AOAH: variants seen among roughly 807,000 people sequenced by gnomAD.
AOAH encodes the protein acyloxyacyl hydrolase (neutrophil).
Under a neutral mutation model 92.2 loss-of-function variants are expected in AOAH, and 64 were observed. The observed-to-expected ratio is 0.69, with a 90% confidence interval of 0.57 to 0.86. The LOEUF is 0.86. AOAH is among the 40% of genes least tolerant of loss of function. The pLI is 0.00. For missense variants in AOAH, 656 were observed against 694.6 expected, an observed-to-expected ratio of 0.94 and a Z score of 0.62; for synonymous variants, 263 against 254.5, an observed-to-expected ratio of 1.03 and a Z score of -0.32.
intron 13 of AOAH, 96 bp from the exon 14 acceptor site, chr7:36,549,571 A>G (rs1786042240): frequency 2.4e-6 from 2 of 848,554 alleles, no homozygotes; most frequent in Middle Eastern, 2.2e-4. Flanking sequence ...TGAAAGCGGC[A>G]TTACTGTTCG....
intron 18 of AOAH, among the ~76,000 whole-genome samples, chr7:36,531,095 T>C (rs117875944): frequency 6.6e-6 from 1 of 152,316 alleles, no homozygotes; most frequent in East Asian, 1.9e-4. Flanking sequence ...TACAACATTA[T>C]GGTGTGGAGA....
chr7:36,653,316 C>G (rs1794692934), intron 4 of AOAH, among the ~76,000 whole-genome samples: 1 of 152,116 alleles, frequency 6.6e-6, no homozygotes, highest in African/African-American at 2.4e-5. Context: ...CCACCTGAGA[C>G]AGTCTACTAA....
Position 36,594,468 on chromosome 7 carries a change from C to A in AOAH, c.847-38G>T, listed in dbSNP as rs779446514. On this transcript the variant is annotated intron_variant, in intron 11 of 20. Transcript: ENST00000617537. Reference sequence around the variant, plus strand: ...ATAAAGTAGCAATTATCAAAATGGTCATTTATTTTCTAAAGGTAGTAAGAA... The same window carrying A: ...ATAAAGTAGCAATTATCAAAATGGTAATTTATTTTCTAAAGGTAGTAAGAA... 4.6e-6 allele frequency: 7 copies of A among 1,533,950 alleles called. No individual in the cohort carries two copies. In the East Asian group the frequency reaches 1.3e-4, roughly 30 times the overall value.
At chr7:36,566,933 T>A (rs1359869704) in intron 13 of AOAH, among the ~76,000 whole-genome samples, 1 of 152,070 alleles carries the variant, frequency 6.6e-6, no homozygotes, top group Non-Finnish European at 1.5e-5. Context: ...GCTAAGTCTC[T>A]GAATAGCTGG....
At chr7:36,599,746 GC>G (rs1404514761) in intron 11 of AOAH, 2 of 152,210 alleles carry the variant, frequency 1.3e-5, no homozygotes, top group African/African-American at 4.8e-5. Flanking sequence ...TACCTGCTTA[GC>G]GTTGGAACCA....
intron 4 of AOAH, among the ~76,000 whole-genome samples, chr7:36,638,491 C>T (rs62445874): frequency 0.065 from 9,803 of 151,922 alleles, 350 homozygotes; most frequent in African/African-American, 0.094. Flanking sequence ...TCCAAGGGTA[C>T]ACACATTGCG....
intron 12 of AOAH, among the ~76,000 whole-genome samples, chr7:36,590,326 A>T (rs1185953541): frequency 6.6e-6 from 1 of 151,620 alleles, no homozygotes; most frequent in African/African-American, 2.4e-5. Context: ...TCTGCTTTTG[A>T]CCTACTCAAT....
chr7:36,713,487 A>G (rs1290112449), intron 1 of AOAH, among the ~76,000 whole-genome samples: 1 of 152,228 alleles, frequency 6.6e-6, no homozygotes, highest in Non-Finnish European at 1.5e-5. Context: ...CCTAATTGAC[A>G]TCTACAGAAC....
intron 3 of AOAH, 66 bp downstream of exon 3, chr7:36,673,877 C>G: frequency 8.7e-7 from 1 of 1,145,558 alleles, no homozygotes; most frequent in Non-Finnish European, 1.3e-6. Context: ...CCTCCCACCT[C>G]CCAGTTTTCT....
chr7:36,716,171 G>T (rs1360319409), intron 1 of AOAH, among the ~76,000 whole-genome samples: 1 of 152,216 alleles, frequency 6.6e-6, no homozygotes, highest in Admixed American at 6.5e-5. Flanking sequence ...CAAAGGATAT[G>T]AACAGACACT....
chr7:36,635,410 G>C (rs1583997184), intron 5 of AOAH, among the ~76,000 whole-genome samples: 1 of 152,312 alleles, frequency 6.6e-6, no homozygotes, highest in South Asian at 2.1e-4. Context: ...GTCAAAGTGG[G>C]ACAGTCATCA....
intron 11 of AOAH, among the ~76,000 whole-genome samples, chr7:36,599,515 A>C (rs1790388207): frequency 6.6e-6 from 1 of 152,248 alleles, no homozygotes; most frequent in Non-Finnish European, 1.5e-5. Flanking sequence ...GATTATTTTC[A>C]AACAGTACAA....
intron 15 of AOAH, among the ~76,000 whole-genome samples, chr7:36,545,198 A>G (rs1785725063): frequency 6.6e-6 from 1 of 152,114 alleles, no homozygotes; most frequent in African/African-American, 2.4e-5. Flanking sequence ...GAGAAGAGGC[A>G]TCTTGATACA....
At chr7:36,669,669 C>T (rs1795791471) in intron 3 of AOAH, among the ~76,000 whole-genome samples, 1 of 152,180 alleles carries the variant, frequency 6.6e-6, no homozygotes, top group Non-Finnish European at 1.5e-5. Flanking sequence ...AGGCATGAGT[C>T]ACAGAGTGCA....
intron 1 of AOAH, among the ~76,000 whole-genome samples, chr7:36,696,605 C>CA (rs1459574223): frequency 3.9e-5 from 6 of 152,220 alleles, no homozygotes; most frequent in Non-Finnish European, 7.4e-5. Context: ...CTCACGCCTG[C>CA]AATCCCAGCA....
chr7:36,529,231 T>TA (rs61477972), intron 19 of AOAH, among the ~76,000 whole-genome samples: 6,234 of 145,180 alleles, frequency 0.043, 342 homozygotes, highest in African/African-American at 0.13. Context: ...CTCTGGAAAG[T>TA]AAAAAAAAAA....
chr7:36,675,662 T>C (rs1357950440), intron 2 of AOAH, among the ~76,000 whole-genome samples: 2 of 152,198 alleles, frequency 1.3e-5, no homozygotes, highest in Admixed American at 6.5e-5. Context: ...AGGTTAATAT[T>C]ACCCTGATAC....
intron 4 of AOAH, among the ~76,000 whole-genome samples, chr7:36,653,879 C>T (rs1299723043): frequency 6.6e-6 from 1 of 152,074 alleles, no homozygotes; most frequent in African/African-American, 2.4e-5. Flanking sequence ...GTTCAGGGAC[C>T]CAAACGGGAG....
chr7:36,538,417 A>C (rs1785221086), intron 16 of AOAH, among the ~76,000 whole-genome samples: 1 of 152,202 alleles, frequency 6.6e-6, no homozygotes, highest in African/African-American at 2.4e-5. Flanking sequence ...ATATTTATGA[A>C]ACCAAACATG....
Sources: allele counts gnomAD v4.1 joint callset (sites outside exome capture counted in the v4.1 genomes callset), GRCh38; gene constraint gnomAD v4.1.1; transcripts MANE v1.5; gene names NCBI Gene and HGNC (gene_info 2026-07-23, HGNC 2026-07-21).